Variants in DTX1 observed in about 807,000 individuals in gnomAD.
DTX1 encodes E3 ubiquitin-protein ligase DTX1.
DTX1 carries 26 observed loss-of-function variants against 57.8 expected under a neutral mutation model. The observed-to-expected ratio is 0.45, with a 90% CI of 0.33 to 0.62. DTX1 has a LOEUF of 0.62. Among genes scored for constraint, DTX1 ranks in the 20% least tolerant of loss-of-function variants. DTX1 has a pLI of 0.02. For synonymous variants in DTX1, 398 were observed against 394.1 expected (o/e 1.01, Z -0.12); for missense variants, 704 against 895.3 (o/e 0.79, Z 2.73).
intron 2 of DTX1, among the ~76,000 whole-genome samples, chr12:113,068,138 C>G (rs2136426338): frequency 6.6e-6 from 1 of 152,328 alleles, no homozygotes; most frequent in East Asian, 1.9e-4. Flanking sequence ...CAGTCTCCAG[C>G]CTAGTCATGA....
chr12:113,086,547 T>G lies in DTX1; in HGVS notation c.942-6615T>G, dbSNP rs58836946. Reference sequence around the variant, plus strand: ...AGACGGGTGGGACTGTTTTAACAGGTTCACTCTGAATGCTGAGCATAGACC... The same window carrying G: ...AGACGGGTGGGACTGTTTTAACAGGGTCACTCTGAATGCTGAGCATAGACC... On this transcript the variant is annotated intron_variant, in intron 3 of 9. Transcript: ENST00000548759. Among the ~76,000 whole-genome samples the G allele has an allele frequency of 3.5e-3, 527 of 152,272 alleles. 3 individuals are homozygous for G. The highest frequency in any genetic ancestry group is 0.012 in the African/African-American group (495 of 41,546).
chr12:113,079,902 C>G lies in DTX1; in HGVS notation c.941+1797C>G, dbSNP rs182544272. Among the ~76,000 whole-genome samples, 738 of 152,300 alleles carry G rather than the reference C, an allele frequency of 4.8e-3. 4 individuals carry two copies. Among genetic ancestry groups the G allele is most frequent in the Non-Finnish European group, 8.4e-3 (571 of 68,024 alleles). ...GAGCTGGGAGACCTGGGACGAGTCC[C>G]TCTCCTTCCTTGAGCCTCAGTTTTG... On this transcript the variant is annotated intron_variant, in intron 3 of 9. Transcript: ENST00000548759.
Position 113,077,439 on chromosome 12 carries a change from T to G in DTX1, c.275T>G (p.Val92Gly). Reference sequence around the variant, plus strand: ...TCGAGTACAGGCACCATGCGGCCCGTGCGGCGCAACTTCTACGACCCGTCG... The same window carrying G: ...TCGAGTACAGGCACCATGCGGCCCGGGCGGCGCAACTTCTACGACCCGTCG... Reference protein sequence around the residue: ...FRQDTGTMRPVRRNFYDPSSA... With the variant: ...FRQDTGTMRPGRRNFYDPSSA... Residue 92 changes from valine (V) to glycine (G), a missense_variant, in exon 3 of 10, where the codon GTG (valine) becomes GGG (glycine). Val to Gly is a moderately radical substitution (Grantham distance 109, BLOSUM62 -3). Transcript: ENST00000548759. This position sits in a 1 kb window ranked among gnomAD's most constrained non-coding sequence, Gnocchi z 7.8. 1 of 1,608,020 alleles carries G rather than the reference T, an allele frequency of 6.2e-7. No individual in the cohort carries two copies. The highest frequency in any genetic ancestry group is 1.1e-5 in the South Asian group (1 of 90,898).
At chr12:113,069,325 T>C (rs565870215) in intron 2 of DTX1, among the ~76,000 whole-genome samples, 2 of 152,006 alleles carry the variant, frequency 1.3e-5, no homozygotes, top group African/African-American at 2.4e-5. Flanking sequence ...AAGCCCCCCA[T>C]ACAGCCCATG....
chr12:113,059,994 C>G (rs2136421900), intron 2 of DTX1, among the ~76,000 whole-genome samples: 1 of 152,184 alleles, frequency 6.6e-6, no homozygotes, highest in South Asian at 2.1e-4. Flanking sequence ...AGGAGGCCAG[C>G]CTTTCTAACT....
intron 6 of DTX1, among the ~76,000 whole-genome samples, chr12:113,094,549 G>A (rs1301063841): frequency 2.6e-5 from 4 of 152,144 alleles, no homozygotes; most frequent in African/African-American, 9.7e-5. Flanking sequence ...CTGCACTTCA[G>A]CCTGGGCAAC....
At chr12:113,059,907 G>A (rs772784416) in intron 2 of DTX1, among the ~76,000 whole-genome samples, 5 of 152,208 alleles carry the variant, frequency 3.3e-5, no homozygotes, top group Non-Finnish European at 7.3e-5. Flanking sequence ...CATGTGTCTT[G>A]TGGTACCTTG....
Position 113,093,954 on chromosome 12 carries a change from C to T in DTX1, c.1166-84C>T, listed in dbSNP as rs995453122. The T allele has an allele frequency of 1.5e-5, 23 of 1,538,382 alleles. No individual in the cohort carries two copies. Among genetic ancestry groups the T allele is most frequent in the Non-Finnish European group, 1.9e-5 (22 of 1,134,270 alleles). ...AACCCTTGCCAGCCTGACCCCTGCC[C>T]TCTGACCCCTGACCCAGTTCTGAGC... On this transcript the variant is annotated intron_variant, in intron 5 of 9. Coordinates refer to ENST00000548759, the MANE Select transcript of DTX1 (RefSeq NM_004416.3). This position sits in a 1 kb window ranked among gnomAD's most constrained non-coding sequence, Gnocchi z 4.2.
At position 113,096,933 on chromosome 12, in the gene DTX1, G is replaced by A. The variant is rs1246982269; in HGVS notation, c.1857G>A (p.Lys619=). The change falls in exon 10 of 10, where the codon AAG becomes AAA. Residue 619 remains lysine, a synonymous_variant. Transcript: ENST00000548759. The part of the protein sequence containing the change: ...TAQGVSEAAA[K]A ...AGGGCGTATCCGAGGCTGCAGCCAA[G>A]GCTTGAGGCCCAAGGCTGCCCACCT... is the stretch of plus-strand genomic sequence containing the variant. 15 of 1,610,120 alleles carry A rather than the reference G, an allele frequency of 9.3e-6. No homozygotes were observed. Among genetic ancestry groups the A allele is most frequent in the Non-Finnish European group, 1.3e-5 (15 of 1,179,562 alleles).
At position 113,096,867 on chromosome 12, in the gene DTX1, C is replaced by T. The variant is rs142267522; in HGVS notation, c.1791C>T (p.Asp597=). Reference sequence around the variant, plus strand: ...ACCTCACGGGCCACGGCTACCCGGACGCTAGCTACCTAGACAACGTGCTGG... The same window carrying T: ...ACCTCACGGGCCACGGCTACCCGGATGCTAGCTACCTAGACAACGTGCTGG... ...GSNLTGHGYP[D]ASYLDNVLAE... Residue 597 remains aspartate, a synonymous_variant, in exon 10 of 10, where the codon GAC becomes GAT. Transcript: ENST00000548759. The T allele has an allele frequency of 1.9e-4, 310 of 1,613,784 alleles. No homozygotes were observed. In the African/African-American group the frequency reaches 2.2e-3, roughly 12 times the overall value.
At chr12:113,086,787 G>A (rs1282674989) in intron 3 of DTX1, among the ~76,000 whole-genome samples, 1 of 152,046 alleles carries the variant, frequency 6.6e-6, no homozygotes, top group African/African-American at 2.4e-5. Flanking sequence ...CAGGTACACT[G>A]TGAAGTCAAG....
At chr12:113,084,654 G>T (rs1033001018) in intron 3 of DTX1, among the ~76,000 whole-genome samples, 2 of 152,200 alleles carry the variant, frequency 1.3e-5, no homozygotes, top group Non-Finnish European at 2.9e-5. Context: ...CAAAGCACTG[G>T]GATTACTGGC....
At chr12:113,094,272 C>T (rs1950269508) in intron 6 of DTX1, among the ~76,000 whole-genome samples, 173 bp downstream of exon 6, 2 of 152,308 alleles carry the variant, frequency 1.3e-5, no homozygotes, top group East Asian at 1.9e-4. Context: ...TCACATTTAT[C>T]CATCTTTTGA....
chr12:113,095,448 G>A, intron 9 of DTX1, 34 bp downstream of exon 9: 1 of 1,613,324 alleles, frequency 6.2e-7, no homozygotes, highest in Non-Finnish European at 8.5e-7. Flanking sequence ...TGGGAGATAG[G>A]CACAGGCAGG....
intron 2 of DTX1, among the ~76,000 whole-genome samples, chr12:113,074,953 C>A (rs938143044): frequency 3.3e-5 from 5 of 152,104 alleles, no homozygotes; most frequent in African/African-American, 1.2e-4. Flanking sequence ...AGGTTTGGGG[C>A]AGGGGAGAGC....
chr12:113,091,844 A>G (rs1435202116), intron 3 of DTX1, among the ~76,000 whole-genome samples: 1 of 152,124 alleles, frequency 6.6e-6, no homozygotes, highest in African/African-American at 2.4e-5. Context: ...CTCCTGGCAC[A>G]TCCCCCAAGG....
rs2044636656 is a variant in DTX1, at chr12:113,057,696, A to C, written c.-497A>C. The C allele has an allele frequency of 6.4e-6, 1 of 156,618 alleles. No individual in the cohort carries two copies. The highest frequency in any genetic ancestry group is 2.4e-5 in the African/African-American group (1 of 41,520). 9.7% of individuals were successfully genotyped at this position (156,618 alleles called of 1,614,324 possible). A position where few individuals can be genotyped will look rare whatever the true frequency, so the allele number is the denominator to read the frequency against. ...GGGCCCAGACCGGAGGGAGGCGAGA[A>C]GCCCCACTGAAGCCGGGCGCAGGGT... On this transcript the variant is annotated 5_prime_UTR_variant, in exon 2 of 10. Transcript: ENST00000548759.
intron 2 of DTX1, among the ~76,000 whole-genome samples, chr12:113,060,313 T>A (rs1313217892): frequency 6.6e-6 from 1 of 152,058 alleles, no homozygotes; most frequent in Non-Finnish European, 1.5e-5. Flanking sequence ...GGTCTTGTGC[T>A]GGAGGACCTA....
intron 3 of DTX1, among the ~76,000 whole-genome samples, chr12:113,085,159 T>C (rs1330946552): frequency 1.3e-5 from 2 of 151,934 alleles, no homozygotes; most frequent in African/African-American, 2.4e-5. Context: ...AAGCAATACT[T>C]GTACCTCAGC....
Sources: allele counts gnomAD v4.1 joint callset (sites outside exome capture counted in the v4.1 genomes callset), GRCh38; gene constraint gnomAD v4.1.1; non-coding constraint Gnocchi (gnomAD v3.1); transcripts MANE v1.5; gene names NCBI Gene and HGNC (gene_info 2026-07-23, HGNC 2026-07-21).